Variants in PLCXD2 observed in about 807,000 individuals in gnomAD.
The protein encoded by PLCXD2 is phosphatidylinositol specific phospholipase C X domain containing 2.
Under a neutral mutation model 28.6 loss-of-function variants are expected in PLCXD2, and 21 were observed. The ratio of observed to expected loss-of-function variants is 0.73; its 90% CI spans 0.52 to 1.06. PLCXD2 has a LOEUF of 1.06. PLCXD2 is among the 50% of genes least tolerant of loss of function. PLCXD2 has a pLI of 0.00. For synonymous variants in PLCXD2, 140 were observed against 150.1 expected, an observed-to-expected ratio of 0.93 and a Z score of 0.49; for missense variants, 369 against 376.7, an observed-to-expected ratio of 0.98 and a Z score of 0.17.
chr3:111,691,201 GGTAA>G (rs1402846101), intron 1 of PLCXD2: 1 of 152,168 alleles, frequency 6.6e-6, no homozygotes, highest in East Asian at 1.9e-4. Context: ...GTTTAAGTAT[GGTAA>G]GTGTGAAAGA....
chr3:111,709,094 A>G (rs1441404995), intron 2 of PLCXD2, among the ~76,000 whole-genome samples: 2 of 146,978 alleles, frequency 1.4e-5, no homozygotes, highest in Non-Finnish European at 3.0e-5. Flanking sequence ...ACTCTCTGGA[A>G]AAAAAAAAAA....
chr3:111,679,497 T>C (rs1940679563), intron 1 of PLCXD2, among the ~76,000 whole-genome samples: 1 of 152,196 alleles, frequency 6.6e-6, no homozygotes, highest in African/African-American at 2.4e-5. Context: ...CAGTAGAAGG[T>C]AGCAGCGCAG....
chr3:111,714,099 T>G lies in PLCXD2; in HGVS notation c.837T>G (p.Val279=). Reference sequence around the variant, plus strand: ...TGAAGACCATTGCCCGGGGCTTGGTTGGGGGCCTCAAGAACACGCTGGTTC... The same window carrying G: ...TGAAGACCATTGCCCGGGGCTTGGTGGGGGGCCTCAAGAACACGCTGGTTC... Residue 279 remains valine, a synonymous_variant, in exon 3 of 5, where the codon GTT becomes GTG. Transcript: ENST00000477665. 1 of 1,614,094 alleles carries G rather than the reference T, an allele frequency of 6.2e-7. No homozygotes were observed. Among genetic ancestry groups the G allele is most frequent in the Non-Finnish European group, 8.5e-7 (1 of 1,180,012 alleles).
intron 1 of PLCXD2, among the ~76,000 whole-genome samples, chr3:111,685,323 C>T (rs1223581745): frequency 2.0e-5 from 3 of 152,182 alleles, no homozygotes; most frequent in Non-Finnish European, 2.9e-5. Context: ...GGTGCCCCCT[C>T]GTGTTTGTCT....
At chr3:111,712,746 G>A (rs910974492) in intron 2 of PLCXD2, among the ~76,000 whole-genome samples, 3 of 152,198 alleles carry the variant, frequency 2.0e-5, no homozygotes, top group African/African-American at 7.2e-5. Context: ...AACTATCCGG[G>A]GATGGCAGTC....
chr3:111,707,891 T>G, intron 1 of PLCXD2, 35 bp from the exon 2 acceptor site: 1 of 1,551,368 alleles, frequency 6.4e-7, no homozygotes, highest in Non-Finnish European at 8.7e-7. Flanking sequence ...AGCTCCCGTC[T>G]CATCTGCTTT....
At chr3:111,686,755 T>C (rs1250283485) in intron 1 of PLCXD2, among the ~76,000 whole-genome samples, 1 of 152,244 alleles carries the variant, frequency 6.6e-6, no homozygotes, top group Non-Finnish European at 1.5e-5. Flanking sequence ...ATATAATTTA[T>C]GCAGGCATAA....
chr3:111,678,117 T>C (rs987143506), intron 1 of PLCXD2, among the ~76,000 whole-genome samples: 5 of 151,916 alleles, frequency 3.3e-5, no homozygotes, highest in Non-Finnish European at 5.9e-5. Context: ...TGAGATGGAG[T>C]AAACTATGCC....
intron 1 of PLCXD2, among the ~76,000 whole-genome samples, chr3:111,702,943 T>C (rs906969676): frequency 6.6e-6 from 1 of 152,200 alleles, no homozygotes; most frequent in East Asian, 1.9e-4. Flanking sequence ...TTTATAAATA[T>C]TGTATGTGCA....
At position 111,708,028 on chromosome 3, in the gene PLCXD2, A is replaced by G; in HGVS notation, c.266A>G (p.Lys89Arg). 1.9e-6 allele frequency: 3 copies of G among 1,614,206 alleles called. No individual in the cohort carries two copies. Among genetic ancestry groups the G allele is most frequent in the Non-Finnish European group, 2.5e-6 (3 of 1,180,036 alleles). ...CTCGCCAGGATCTCCTTGGTGAAGA[A>G]GCTAATGAAGAAGTGGTCTGTGACT... is the stretch of plus-strand genomic sequence containing the variant. Residue 89 changes from lysine to arginine, a missense_variant, in exon 2 of 5, where the codon AAG becomes AGG. Lys to Arg is a conservative substitution (Grantham distance 26). Coordinates refer to ENST00000477665, the MANE Select transcript of PLCXD2 (RefSeq NM_001185106.1).
At chr3:111,700,692 G>C (rs1265919041) in intron 1 of PLCXD2, among the ~76,000 whole-genome samples, 1 of 152,114 alleles carries the variant, frequency 6.6e-6, no homozygotes, top group Non-Finnish European at 1.5e-5. Context: ...GGACTGTATA[G>C]ACAGACAATA....
At chr3:111,713,815 C>T (rs534175592) in intron 2 of PLCXD2, 72 bp from the exon 3 acceptor site, 23 of 1,490,072 alleles carry the variant, frequency 1.5e-5, no homozygotes, top group Middle Eastern at 2.1e-4. Flanking sequence ...CCTAGCAGTC[C>T]GTATAAAACG....
At chr3:111,682,571 G>T (rs908008971) in intron 1 of PLCXD2, among the ~76,000 whole-genome samples, 1 of 152,192 alleles carries the variant, frequency 6.6e-6, no homozygotes, top group Admixed American at 6.5e-5. Flanking sequence ...AAATGTCTTG[G>T]AGTGTGGCAG....
intron 1 of PLCXD2, among the ~76,000 whole-genome samples, chr3:111,706,482 A>T (rs1215900519): frequency 1.3e-5 from 2 of 152,186 alleles, no homozygotes; most frequent in African/African-American, 4.8e-5. Context: ...ATGTTTGCTT[A>T]TAGTAAAGTT....
At chr3:111,725,607 C>G (rs1941405895) in intron 3 of PLCXD2, 2 of 398,330 alleles carry the variant, frequency 5.0e-6, no homozygotes, top group Admixed American at 8.8e-5. Context: ...TTGATTTTCT[C>G]AAAATATCAC....
chr3:111,709,904 A>G (rs1356157889), intron 2 of PLCXD2, among the ~76,000 whole-genome samples: 1 of 152,156 alleles, frequency 6.6e-6, no homozygotes, highest in Non-Finnish European at 1.5e-5. Context: ...TCTTAATAAG[A>G]TCTCTCCGGT....
intron 3 of PLCXD2, chr3:111,725,322 G>GC (rs1049354299): frequency 1.4e-4 from 41 of 284,090 alleles, no homozygotes; most frequent in Non-Finnish European, 2.3e-4. Context: ...GGATATCTTG[G>GC]CCCTCTGCCT....
At chr3:111,687,685 T>TTTC (rs1491578255) in intron 1 of PLCXD2, among the ~76,000 whole-genome samples, 3 of 42,354 alleles carry the variant, frequency 7.1e-5, no homozygotes, top group East Asian at 1.4e-3. Context: ...TCTTTCTTTC[T>TTTC]TTTTTTTTTT....
chr3:111,724,352 T>G (rs996576602), intron 3 of PLCXD2: 2 of 152,162 alleles, frequency 1.3e-5, no homozygotes, highest in Non-Finnish European at 2.9e-5. Flanking sequence ...CAGGATTTTA[T>G]TATAAACTCA....
Sources: allele counts gnomAD v4.1 joint callset (sites outside exome capture counted in the v4.1 genomes callset), GRCh38; gene constraint gnomAD v4.1.1; transcripts MANE v1.5; gene names NCBI Gene and HGNC (gene_info 2026-07-23, HGNC 2026-07-21).